KDM4C: variants seen among roughly 807,000 people sequenced by gnomAD.
KDM4C encodes the protein lysine-specific demethylase 4C.
A neutral mutation model predicts 129.3 loss-of-function variants in KDM4C; 81 were observed. The observed-to-expected ratio is 0.63, with a 90% CI of 0.52 to 0.75. The LOEUF is 0.75. KDM4C is among the 30% of genes least tolerant of loss of function. The pLI, the probability that KDM4C is intolerant of heterozygous loss-of-function variation, is 0.00. For synonymous variants in KDM4C, 573 were observed against 456.1 expected (o/e 1.26, Z -3.26); for missense variants, 1,457 against 1,304.0 (o/e 1.12, Z -1.81).
chr9:6,790,002 G>A (rs918469863), intron 1 of KDM4C, among the ~76,000 whole-genome samples: 1 of 151,276 alleles, frequency 6.6e-6, no homozygotes. Context: ...GGCTGGGTGC[G>A]GTGGCTCACG....
intron 17 of KDM4C, among the ~76,000 whole-genome samples, chr9:7,052,575 A>C (rs1166700720): frequency 1.3e-5 from 2 of 152,200 alleles, no homozygotes; most frequent in African/African-American, 2.4e-5. Flanking sequence ...TACTTTACTT[A>C]TCTGCATCAC....
intron 5 of KDM4C, 36 bp from the exon 6 acceptor site, chr9:6,879,976 T>C (rs759959080): frequency 3.2e-6 from 4 of 1,252,806 alleles, no homozygotes; most frequent in Non-Finnish European, 2.3e-6. Context: ...TGAAAAATTA[T>C]AAACCTAAAA....
At chr9:6,724,311 A>G (rs566578827) in intron 1 of KDM4C, among the ~76,000 whole-genome samples, 1 of 152,292 alleles carries the variant, frequency 6.6e-6, no homozygotes, top group Admixed American at 6.5e-5. Flanking sequence ...GGTATACTCC[A>G]TTTAAGCAGC....
At chr9:6,985,700 AT>A (rs904825718) in intron 10 of KDM4C, among the ~76,000 whole-genome samples, 2 of 151,978 alleles carry the variant, frequency 1.3e-5, no homozygotes, top group South Asian at 4.2e-4. Context: ...AAATTTTTAA[AT>A]TTTTTTTGAG....
chr9:6,909,008 GT>G (rs1818813250), intron 8 of KDM4C, among the ~76,000 whole-genome samples: 1 of 152,148 alleles, frequency 6.6e-6, no homozygotes, highest in African/African-American at 2.4e-5. Flanking sequence ...TTATTGTCCT[GT>G]GACAGTTACC....
chr9:6,837,181 C>G (rs1179929456), intron 4 of KDM4C, among the ~76,000 whole-genome samples: 1 of 152,146 alleles, frequency 6.6e-6, no homozygotes, highest in Non-Finnish European at 1.5e-5. Context: ...CCTCAGCCTC[C>G]TGAGTAGCAG....
intron 1 of KDM4C, chr9:6,721,046 G>C: frequency 6.8e-7 from 1 of 1,472,358 alleles, no homozygotes; most frequent in Non-Finnish European, 9.3e-7. Flanking sequence ...CATAGTTGGT[G>C]GTTCTGTCAC....
At chr9:6,723,376 A>C (rs1817020349) in intron 1 of KDM4C, among the ~76,000 whole-genome samples, 1 of 152,088 alleles carries the variant, frequency 6.6e-6, no homozygotes, top group Non-Finnish European at 1.5e-5. Context: ...ACTCTGTCTC[A>C]AAAGAAAAGA....
chr9:7,039,921 G>A (rs1828270447), intron 15 of KDM4C, among the ~76,000 whole-genome samples: 1 of 151,890 alleles, frequency 6.6e-6, no homozygotes, highest in Non-Finnish European at 1.5e-5. Flanking sequence ...TGCATTTTGT[G>A]GCTCATATCA....
intron 8 of KDM4C, among the ~76,000 whole-genome samples, chr9:6,913,276 A>G (rs1158835905): frequency 6.6e-6 from 1 of 152,072 alleles, no homozygotes; most frequent in Non-Finnish European, 1.5e-5. Context: ...TTTCATTAAA[A>G]TGTTTCCTAG....
At chr9:7,137,289 A>C (rs1841314639) in intron 19 of KDM4C, among the ~76,000 whole-genome samples, 1 of 152,222 alleles carries the variant, frequency 6.6e-6, no homozygotes, top group Admixed American at 6.5e-5. Context: ...ATGAATATCC[A>C]TGACATCATA....
chr9:7,019,305 G>A (rs1208610407), intron 15 of KDM4C, among the ~76,000 whole-genome samples: 4 of 152,098 alleles, frequency 2.6e-5, no homozygotes, highest in African/African-American at 9.7e-5. Flanking sequence ...CATATCTTCA[G>A]TTTTACACTC....
chr9:7,050,303 T>A (rs1240367730), intron 17 of KDM4C, among the ~76,000 whole-genome samples: 1 of 151,928 alleles, frequency 6.6e-6, no homozygotes, highest in African/African-American at 2.4e-5. Flanking sequence ...GGAAGTTTTG[T>A]AATCTAAGAT....
intron 1 of KDM4C, among the ~76,000 whole-genome samples, chr9:6,736,606 T>C (rs1312679515): frequency 6.6e-6 from 1 of 152,090 alleles, no homozygotes; most frequent in East Asian, 1.9e-4. Context: ...AAGTCAAGAA[T>C]TGAGGTTTGG....
At chr9:7,068,686 C>CTTTTTTTTTTTTTT (rs542039227) in intron 17 of KDM4C, among the ~76,000 whole-genome samples, 51 of 101,744 alleles carry the variant, frequency 5.0e-4, no homozygotes, top group African/African-American at 1.9e-3. Context: ...GATGCCCTTT[C>CTTTTTTTTTTTTTT]TTTTTTTTTT....
At chr9:6,960,323 A>G (rs1829814290) in intron 8 of KDM4C, among the ~76,000 whole-genome samples, 1 of 147,912 alleles carries the variant, frequency 6.8e-6, no homozygotes, top group South Asian at 2.1e-4. Flanking sequence ...TCTGTCACCC[A>G]GGCTGAAGTA....
At chr9:7,076,228 A>G (rs780599336) in intron 17 of KDM4C, among the ~76,000 whole-genome samples, 4 of 152,260 alleles carry the variant, frequency 2.6e-5, no homozygotes, top group African/African-American at 4.8e-5. Context: ...CTTTATGCTA[A>G]GCATAATTTC....
At chr9:7,123,683 T>C (rs770989911) in intron 18 of KDM4C, among the ~76,000 whole-genome samples, 12 of 152,206 alleles carry the variant, frequency 7.9e-5, no homozygotes, top group Non-Finnish European at 1.6e-4. Flanking sequence ...GAAAGAGTCA[T>C]GTGGCCAGGG....
At chr9:7,076,640 C>G in intron 17 of KDM4C, 5 of 1,335,530 alleles carry the variant, frequency 3.7e-6, no homozygotes, top group East Asian at 5.6e-5. Context: ...AGACCCTGGA[C>G]TTTCCCTTTT....
Sources: gnomAD v4.1 joint callset for allele counts (sites outside exome capture counted in the v4.1 genomes callset) on GRCh38, gnomAD v4.1.1 for gene constraint, MANE v1.5 for transcripts, NCBI Gene and HGNC (gene_info 2026-07-23, HGNC 2026-07-21) for gene names.